The following EYS variants were observed in gnomAD, a reference collection of about 807,000 sequenced individuals.
The protein encoded by EYS is EGF-like photoreceptor maintenance factor, also known as protein eyes shut homolog.
EYS carries 250 observed loss-of-function variants against 282.1 expected under a neutral mutation model. The observed-to-expected ratio is 0.89, with a 90% CI of 0.80 to 0.98. EYS has a LOEUF of 0.98. EYS is among the 50% of genes least tolerant of loss of function. The pLI, the probability that EYS is intolerant of heterozygous loss-of-function variation, is 0.00. For synonymous variants in EYS, 1,355 were observed against 1,282.9 expected (o/e 1.06, Z -1.20); for missense variants, 4,016 against 3,709.0 (o/e 1.08, Z -2.15).
intron 12 of EYS, among the ~76,000 whole-genome samples, chr6:65,068,558 C>A (rs1223481687): frequency 6.6e-6 from 1 of 151,954 alleles, no homozygotes; most frequent in Non-Finnish European, 1.5e-5. Flanking sequence ...GTAGTCATAG[C>A]TTCTCACCTG....
At chr6:64,207,275 T>C (rs1416460972) in intron 31 of EYS, among the ~76,000 whole-genome samples, 7 of 151,848 alleles carry the variant, frequency 4.6e-5, no homozygotes, top group Admixed American at 4.6e-4. Flanking sequence ...GTCTCTATCT[T>C]GTGTGCTGCT....
intron 1 of EYS, among the ~76,000 whole-genome samples, chr6:65,655,588 T>C (rs1767792164): frequency 6.6e-6 from 1 of 151,848 alleles, no homozygotes; most frequent in Admixed American, 6.6e-5. Flanking sequence ...TATCTCATCA[T>C]GTTCCTCAAC....
At chr6:64,907,444 A>G (rs1444208845) in intron 16 of EYS, among the ~76,000 whole-genome samples, 4 of 152,168 alleles carry the variant, frequency 2.6e-5, no homozygotes, top group African/African-American at 9.7e-5. Context: ...TGCCTTCACT[A>G]TATGTTTTAG....
chr6:64,461,421 A>C (rs2150485322), intron 26 of EYS, among the ~76,000 whole-genome samples: 1 of 152,286 alleles, frequency 6.6e-6, no homozygotes, highest in South Asian at 2.1e-4. Flanking sequence ...TTACAAGCCA[A>C]AAAACTGCAA....
chr6:64,005,384 C>T (rs1768297017), intron 33 of EYS, among the ~76,000 whole-genome samples: 1 of 152,058 alleles, frequency 6.6e-6, no homozygotes, highest in Admixed American at 6.5e-5. Context: ...TTGTCAGATG[C>T]ATAGTTTGAA....
intron 33 of EYS, among the ~76,000 whole-genome samples, chr6:64,027,526 C>A (rs6922887): frequency 6.6e-6 from 1 of 151,766 alleles, no homozygotes; most frequent in East Asian, 1.9e-4. Flanking sequence ...GGAACAGGCC[C>A]GAAAGGAAAA....
At chr6:64,348,791 T>C (rs1208039122) in intron 29 of EYS, among the ~76,000 whole-genome samples, 1 of 151,432 alleles carries the variant, frequency 6.6e-6, no homozygotes, top group Non-Finnish European at 1.5e-5. Context: ...TTTCAGGCTA[T>C]TGACAGCAGA....
At position 64,759,663 on chromosome 6, in the gene EYS, C is replaced by A. The variant is rs376290615; in HGVS notation, c.3443+53715G>T. On this transcript the variant is annotated intron_variant, in intron 22 of 42. Transcript: ENST00000503581. ...ATATAGATAAAAATATATTTAAAAT[C>A]AAAATAAAGGAGGATTTAATCATCT... Among the ~76,000 whole-genome samples the A allele has an allele frequency of 5.3e-4, 80 of 152,046 alleles. No individual in the cohort carries two copies. The South Asian group carries it at 0.017, about 32-fold the overall frequency.
chr6:64,384,075 T>C (rs1432738730), intron 29 of EYS, among the ~76,000 whole-genome samples: 1 of 152,204 alleles, frequency 6.6e-6, no homozygotes, highest in Non-Finnish European at 1.5e-5. Context: ...ATCCTGTTTT[T>C]ATGTTTTAGA....
intron 19 of EYS, among the ~76,000 whole-genome samples, chr6:64,854,975 A>G (rs1766008210): frequency 6.6e-6 from 1 of 152,146 alleles, no homozygotes; most frequent in South Asian, 2.1e-4. Flanking sequence ...TTTAAATATC[A>G]TTACTTTTAA....
At chr6:64,632,363 C>T (rs1433786909) in intron 22 of EYS, among the ~76,000 whole-genome samples, 1 of 152,060 alleles carries the variant, frequency 6.6e-6, no homozygotes, top group Non-Finnish European at 1.5e-5. Context: ...ACTGATCATA[C>T]TTAATCATGA....
intron 2 of EYS, among the ~76,000 whole-genome samples, chr6:65,533,292 G>A (rs907024609): frequency 9.9e-5 from 15 of 152,046 alleles, no homozygotes; most frequent in African/African-American, 3.6e-4. Context: ...GGAAGAAGTT[G>A]AATCTCTGAA....
At chr6:65,309,635 A>G (rs1769102177) in intron 11 of EYS, among the ~76,000 whole-genome samples, 1 of 152,160 alleles carries the variant, frequency 6.6e-6, no homozygotes, top group African/African-American at 2.4e-5. Flanking sequence ...ATTAGGAAGA[A>G]CTGAATTCGA....
chr6:63,770,562 T>C (rs2149660575), intron 40 of EYS, among the ~76,000 whole-genome samples: 1 of 152,292 alleles, frequency 6.6e-6, no homozygotes, highest in South Asian at 2.1e-4. Context: ...GTTCTGCATA[T>C]ATAACTTATT....
chr6:65,572,757 C>G (rs1764522173), intron 2 of EYS, among the ~76,000 whole-genome samples: 1 of 152,026 alleles, frequency 6.6e-6, no homozygotes, highest in Admixed American at 6.6e-5. Context: ...GAATGTGTAC[C>G]TTTTGCTAAG....
At chr6:64,151,475 C>T (rs964436724) in intron 31 of EYS, among the ~76,000 whole-genome samples, 1 of 150,452 alleles carries the variant, frequency 6.6e-6, no homozygotes, top group African/African-American at 2.5e-5. Context: ...ATTCTTGTGC[C>T]TCAGCCTCCC....
At chr6:64,161,221 C>T (rs1562231589) in intron 31 of EYS, among the ~76,000 whole-genome samples, 1 of 152,222 alleles carries the variant, frequency 6.6e-6, no homozygotes, top group South Asian at 2.1e-4. Context: ...CTATAGTGTA[C>T]ACTTTGTACT....
intron 30 of EYS, among the ~76,000 whole-genome samples, chr6:64,239,345 G>A (rs1162409016): frequency 6.6e-6 from 1 of 152,126 alleles, no homozygotes; most frequent in African/African-American, 2.4e-5. Flanking sequence ...TTCCACAATG[G>A]TTGAACTAAT....
intron 14 of EYS, among the ~76,000 whole-genome samples, chr6:64,982,175 T>G (rs1294927667): frequency 2.0e-5 from 3 of 151,402 alleles, no homozygotes; most frequent in Non-Finnish European, 4.4e-5. Flanking sequence ...TTTTTAATTA[T>G]GTATCTCTGC....
Sources: allele counts gnomAD v4.1 joint callset (sites outside exome capture counted in the v4.1 genomes callset), GRCh38; gene constraint gnomAD v4.1.1; transcripts MANE v1.5; gene names NCBI Gene and HGNC (gene_info 2026-07-23, HGNC 2026-07-21).